Variants in SOBP observed in about 807,000 individuals in gnomAD.
The protein encoded by SOBP is sine oculis-binding protein homolog.
A neutral mutation model predicts 53.6 loss-of-function variants in SOBP; 4 were observed. The observed-to-expected ratio is 0.07, with a 90% CI of 0.04 to 0.17. SOBP has a LOEUF of 0.17. SOBP is among the 10% of genes least tolerant of loss of function. SOBP has a pLI of 1.00. For missense variants in SOBP, 1,088 were observed against 1,204.7 expected (o/e 0.90, Z 1.43); for synonymous variants, 584 against 522.6 (o/e 1.12, Z -1.60).
chr6:107,581,537 G>T (rs1785402463), intron 4 of SOBP, among the ~76,000 whole-genome samples: 1 of 152,178 alleles, frequency 6.6e-6, no homozygotes, highest in African/African-American at 2.4e-5. Context: ...TCCACTGCAG[G>T]ACAAAGAATC....
chr6:107,634,737 G>C lies in SOBP; in HGVS notation c.1893G>C (p.Pro631=). The part of the protein sequence containing the change: ...VDLTRRAGSP[P]GPPGAGGQLG... ...TGACGCGGCGCGCCGGCAGCCCCCC[G>C]GGCCCCCCGGGCGCGGGCGGCCAGC... Residue 631 remains proline (P), a synonymous_variant, in exon 6 of 7, where the codon CCG becomes CCC. Coordinates refer to ENST00000317357, the MANE Select transcript of SOBP (RefSeq NM_018013.4). The surrounding 1 kb of genome is among the most constrained non-coding windows in gnomAD (Gnocchi z 4.5). 7.5e-7 allele frequency: 1 copy of C among 1,339,020 alleles called. No homozygotes were observed. The highest frequency in any genetic ancestry group is 9.5e-7 in the Non-Finnish European group (1 of 1,053,368). 82.9% of individuals were successfully genotyped at this position (1,339,020 alleles called of 1,614,324 possible). A position where few individuals can be genotyped will look rare whatever the true frequency, so the allele number is the denominator to read the frequency against.
At chr6:107,584,865 T>C (rs1489329715) in intron 4 of SOBP, among the ~76,000 whole-genome samples, 1 of 152,174 alleles carries the variant, frequency 6.6e-6, no homozygotes, top group Non-Finnish European at 1.5e-5. Flanking sequence ...TGAATGTATT[T>C]TTGCCACTAA....
chr6:107,554,979 A>T (rs1017070891), intron 4 of SOBP, among the ~76,000 whole-genome samples: 2 of 152,144 alleles, frequency 1.3e-5, no homozygotes, highest in African/African-American at 2.4e-5. Flanking sequence ...TACATTTTTT[A>T]AAATCCCCTT....
At position 107,490,254 on chromosome 6, in the gene SOBP, CCGG is replaced by C. The variant is rs761084632; in HGVS notation, c.-347_-345del. On this transcript the variant is annotated 5_prime_UTR_variant, in exon 1 of 7. Transcript: ENST00000317357. ...CTCCACGGGGCCCCGAGGATGCGGCCCGGCGGCGGCGGCGGCGGGAGCGGCAGC... is the reference window on the plus strand; with the variant it reads ...CTCCACGGGGCCCCGAGGATGCGGCCCGGCGGCGGCGGCGGGAGCGGCAGC... 18 of 148,454 alleles carry C rather than the reference CCGG, an allele frequency of 1.2e-4. No individual in the cohort carries two copies. Among genetic ancestry groups the C allele is most frequent in the Middle Eastern group, 3.5e-3 (1 of 286 alleles). 9.2% of individuals were successfully genotyped at this position (148,454 alleles called of 1,614,324 possible).
intron 1 of SOBP, among the ~76,000 whole-genome samples, chr6:107,500,208 A>T (rs565461926): frequency 2.6e-5 from 4 of 152,060 alleles, no homozygotes; most frequent in Admixed American, 2.0e-4. Context: ...CCTTGCCAAC[A>T]TGGTGAGCCC....
At chr6:107,633,134 C>A (rs1354454263) in intron 5 of SOBP, among the ~76,000 whole-genome samples, 1 of 152,192 alleles carries the variant, frequency 6.6e-6, no homozygotes, top group African/African-American at 2.4e-5. Flanking sequence ...TTCTGGAGAA[C>A]CTTTCCCTCC....
chr6:107,634,586 C>T lies in SOBP; in HGVS notation c.1742C>T (p.Ser581Phe), dbSNP rs2115146706. 6.2e-7 allele frequency: 1 copy of T among 1,603,284 alleles called. No homozygotes were observed. The highest frequency in any genetic ancestry group is 8.5e-7 in the Non-Finnish European group (1 of 1,179,490). The change falls in exon 6 of 7, where the codon TCC (serine) becomes TTC (phenylalanine). Residue 581 changes from serine (S) to phenylalanine (F), a missense_variant. Ser to Phe is a radical substitution (Grantham distance 155, BLOSUM62 -2). Transcript: ENST00000317357. The surrounding 1 kb of genome is among the most constrained non-coding windows in gnomAD (Gnocchi z 4.5). ...AAAGGKPSGH[S>F]LSPRDSKQGS... The stretch of plus-strand genomic sequence containing the variant: ...GCGGGCGGCAAGCCAAGCGGACACT[C>T]CCTGTCCCCCCGGGACTCCAAGCAG...
At chr6:107,510,694 G>A (rs1429773913) in intron 3 of SOBP, 4 of 152,156 alleles carry the variant, frequency 2.6e-5, no homozygotes, top group African/African-American at 9.7e-5. Context: ...TTTTACCAGA[G>A]TTGTGATTCA....
chr6:107,643,091 G>A (rs967419153), intron 6 of SOBP, among the ~76,000 whole-genome samples: 1 of 152,182 alleles, frequency 6.6e-6, no homozygotes, highest in African/African-American at 2.4e-5. Flanking sequence ...TGGCTAAACG[G>A]CATTTGGAGA....
intron 1 of SOBP, among the ~76,000 whole-genome samples, chr6:107,496,389 T>C (rs528005119): frequency 6.6e-6 from 1 of 152,344 alleles, no homozygotes; most frequent in African/African-American, 2.4e-5. Flanking sequence ...GACATGATTG[T>C]TTGCTCTGTA....
At chr6:107,536,497 T>C (rs1170969359) in intron 4 of SOBP, among the ~76,000 whole-genome samples, 2 of 152,152 alleles carry the variant, frequency 1.3e-5, no homozygotes, top group Non-Finnish European at 2.9e-5. Context: ...GAAAATGGGC[T>C]CTTGAAATTT....
intron 2 of SOBP, among the ~76,000 whole-genome samples, chr6:107,504,919 G>C (rs1465705723): frequency 1.3e-5 from 2 of 152,146 alleles, no homozygotes; most frequent in Non-Finnish European, 2.9e-5. Flanking sequence ...ACTTGGCCTA[G>C]GTAATAATCT....
In SOBP at chr6:107,655,267, AT is replaced by A. The variant is rs138499217; in HGVS notation, c.*4-2939del. On this transcript the variant is annotated intron_variant, in intron 6 of 6. Transcript: ENST00000317357. ...GTTGGATTTCATACCTTCCATACCA[AT>A]AAATATCAGAAAAGTGAAGCCCAAG... 7.2e-3 allele frequency among the ~76,000 whole-genome samples: 1,098 copies of A among 152,242 alleles called. 18 individuals carry two copies. Among genetic ancestry groups the A allele is most frequent in the East Asian group, 0.024 (124 of 5,176 alleles).
At chr6:107,541,157 G>C (rs1784136573) in intron 4 of SOBP, among the ~76,000 whole-genome samples, 1 of 152,086 alleles carries the variant, frequency 6.6e-6, no homozygotes, top group South Asian at 2.1e-4. Context: ...CTGTGGTTGA[G>C]GGTTAACCAC....
At chr6:107,632,326 C>G (rs1770750210) in intron 5 of SOBP, among the ~76,000 whole-genome samples, 1 of 150,998 alleles carries the variant, frequency 6.6e-6, no homozygotes, top group Non-Finnish European at 1.5e-5. Flanking sequence ...AAAATGGCCC[C>G]CCCCCAAAAA....
rs1358940607 is a variant in SOBP at position 107,633,492 on chromosome 6, G to T, written c.670-22G>T. The T allele has an allele frequency of 3.7e-6, 6 of 1,614,066 alleles. No individual in the cohort carries two copies. The Admixed American group carries it at 5.0e-5, about 13-fold the overall frequency. On this transcript the variant is annotated intron_variant, in intron 5 of 6. Coordinates refer to ENST00000317357, the MANE Select transcript of SOBP (RefSeq NM_018013.4). ...TAAATTGCTTGTCTTACCTGTTGTG[G>T]TTTTTTATTACTGTGTTGTAGGTAT...
In SOBP at chr6:107,659,520, A is replaced by C. The variant is rs1052100646; in HGVS notation, c.*1317A>C. 8.4e-6 allele frequency: 1 copy of C among 119,314 alleles called. No homozygotes were observed. Among genetic ancestry groups the C allele is most frequent in the Non-Finnish European group, 1.9e-5 (1 of 52,662 alleles). 7.4% of individuals were successfully genotyped at this position (119,314 alleles called of 1,614,324 possible). On this transcript the variant is annotated 3_prime_UTR_variant, in exon 7 of 7. Coordinates refer to ENST00000317357, the MANE Select transcript of SOBP (RefSeq NM_018013.4). ...GAAAAAATTAAGAAAAAAATCAAAA[A>C]AGGAAGAAAACTAAAAAAAAAAAAA...
chr6:107,532,992 G>C (rs1488899139), intron 3 of SOBP, among the ~76,000 whole-genome samples: 1 of 152,114 alleles, frequency 6.6e-6, no homozygotes, highest in African/African-American at 2.4e-5. Flanking sequence ...ACAGGCCATG[G>C]TTGAGCCTGG....
At position 107,635,174 on chromosome 6, in the gene SOBP, C is replaced by T. The variant is rs1770972677; in HGVS notation, c.2330C>T (p.Ala777Val). 6.2e-7 allele frequency: 1 copy of T among 1,613,792 alleles called. No homozygotes were observed. The highest frequency in any genetic ancestry group is 8.5e-7 in the Non-Finnish European group (1 of 1,179,932). Residue 777 changes from alanine to valine, a missense_variant, in exon 6 of 7, where the codon GCT (alanine) becomes GTT (valine). Coordinates refer to ENST00000317357, the MANE Select transcript of SOBP (RefSeq NM_018013.4). The surrounding 1 kb of genome is among the most constrained non-coding windows in gnomAD (Gnocchi z 4.5). ...GAGTCGGTCAAGGAGAATAACTGTGCTTCCAACTGCCACCTGGACGGGGAG... is the reference window on the plus strand; with the variant it reads ...GAGTCGGTCAAGGAGAATAACTGTGTTTCCAACTGCCACCTGGACGGGGAG... ...ELESVKENNC[A>V]SNCHLDGEAA...
Sources: gnomAD v4.1 joint callset for allele counts (sites outside exome capture counted in the v4.1 genomes callset) on GRCh38, gnomAD v4.1.1 for gene constraint, Gnocchi (gnomAD v3.1) non-coding constraint, MANE v1.5 for transcripts, NCBI Gene and HGNC (gene_info 2026-07-23, HGNC 2026-07-21) for gene names.